TEAD4: variants seen among roughly 807,000 people sequenced by gnomAD.
TEAD4 encodes TEA domain transcription factor 4.
In TEAD4, 36 loss-of-function variants were observed where a neutral mutation model predicts 52.4. That is an observed-to-expected ratio of 0.69 (90% CI 0.53 to 0.91). The LOEUF (loss-of-function observed/expected upper bound fraction) is 0.91, where lower values mean the gene tolerates loss of function less well. Among genes scored for constraint, TEAD4 ranks in the 40% least tolerant of loss-of-function variants. TEAD4 has a pLI of 0.00. For synonymous variants in TEAD4, 220 were observed against 231.0 expected (o/e 0.95, Z 0.43); for missense variants, 508 against 583.9 (o/e 0.87, Z 1.34).
intron 2 of TEAD4, among the ~76,000 whole-genome samples, chr12:2,976,521 G>C (rs1007008001): frequency 2.0e-5 from 3 of 152,142 alleles, no homozygotes; most frequent in African/African-American, 7.2e-5. Context: ...CGCTGTTCTG[G>C]AACTAAACCT....
chr12:3,026,104 G>A (rs1230076098), intron 10 of TEAD4, among the ~76,000 whole-genome samples: 2 of 152,038 alleles, frequency 1.3e-5, no homozygotes, highest in East Asian at 1.9e-4. Context: ...AAATGTACTC[G>A]TATTATTTCT....
intron 6 of TEAD4, 87 bp from the exon 7 acceptor site, chr12:3,018,458 C>A: frequency 6.6e-7 from 1 of 1,515,010 alleles, no homozygotes; most frequent in Non-Finnish European, 9.1e-7. Flanking sequence ...CCAGTGGAGG[C>A]CCTGCCCGGT....
At chr12:2,989,125 A>T (rs2153954884) in intron 2 of TEAD4, among the ~76,000 whole-genome samples, 1 of 152,156 alleles carries the variant, frequency 6.6e-6, no homozygotes, top group African/African-American at 2.4e-5. Context: ...GGAAGTCGGG[A>T]GGCAGTCCTG....
chr12:2,972,963 C>A (rs61916420), intron 2 of TEAD4, among the ~76,000 whole-genome samples: 1 of 152,166 alleles, frequency 6.6e-6, no homozygotes, highest in African/African-American at 2.4e-5. Context: ...ATCCCCCAAA[C>A]GATTCCATCC....
chr12:2,979,911 CT>C (rs1479785160), intron 2 of TEAD4, among the ~76,000 whole-genome samples: 1 of 152,174 alleles, frequency 6.6e-6, no homozygotes, highest in African/African-American at 2.4e-5. Context: ...GGCACAAGGA[CT>C]GAAGTACCTG....
intron 2 of TEAD4, among the ~76,000 whole-genome samples, chr12:2,979,256 T>G (rs1478664202): frequency 1.3e-5 from 2 of 152,242 alleles, no homozygotes; most frequent in African/African-American, 4.8e-5. Context: ...ATTACCTGGA[T>G]GCACCACATT....
At chr12:2,965,009 AGAACCACT>A (rs1290670765) in intron 2 of TEAD4, among the ~76,000 whole-genome samples, 1 of 152,120 alleles carries the variant, frequency 6.6e-6, no homozygotes, top group Non-Finnish European at 1.5e-5. Context: ...GAGTGACCCC[AGAACCACT>A]GCCAGGACCT....
At chr12:3,028,104 T>C (rs371425395) in intron 10 of TEAD4, among the ~76,000 whole-genome samples, 16 of 152,360 alleles carry the variant, frequency 1.1e-4, no homozygotes, top group African/African-American at 3.6e-4. Context: ...CTTTTGTGAC[T>C]GGCTTCTTGA....
intron 2 of TEAD4, among the ~76,000 whole-genome samples, chr12:2,986,629 G>A (rs1455078845): frequency 6.7e-6 from 1 of 148,266 alleles, no homozygotes; most frequent in Non-Finnish European, 1.5e-5. Context: ...GACAGAGTGA[G>A]ACTCTGTCTC....
intron 2 of TEAD4, among the ~76,000 whole-genome samples, chr12:2,977,603 C>T (rs1167382180): frequency 1.3e-5 from 2 of 152,226 alleles, no homozygotes; most frequent in African/African-American, 4.8e-5. Context: ...CAGGAATGCT[C>T]ATCCCCATTT....
chr12:2,988,272 G>A (rs2098240241), intron 2 of TEAD4, among the ~76,000 whole-genome samples: 1 of 151,916 alleles, frequency 6.6e-6, no homozygotes. Flanking sequence ...CAGCACTTTG[G>A]GAGGCTGAGG....
chr12:3,030,393 C>T (rs1314347508), intron 10 of TEAD4, among the ~76,000 whole-genome samples: 1 of 152,176 alleles, frequency 6.6e-6, no homozygotes, highest in African/African-American at 2.4e-5. Flanking sequence ...CTGGACTGTC[C>T]AGTGTACAGA....
chr12:3,021,716 T>C, intron 9 of TEAD4, 128 bp from the exon 10 acceptor site: 1 of 877,596 alleles, frequency 1.1e-6, no homozygotes, highest in South Asian at 1.7e-5. Flanking sequence ...ATTTTACTCA[T>C]GGGGAAACTA....
At chr12:2,992,412 G>C (rs2098243872) in intron 2 of TEAD4, among the ~76,000 whole-genome samples, 1 of 152,038 alleles carries the variant, frequency 6.6e-6, no homozygotes, top group Non-Finnish European at 1.5e-5. Flanking sequence ...TCTCCTCCTG[G>C]GATGTGCCTC....
chr12:3,034,197 G>T (rs117453542), intron 10 of TEAD4, among the ~76,000 whole-genome samples: 1 of 152,078 alleles, frequency 6.6e-6, no homozygotes, highest in South Asian at 2.1e-4. Context: ...CCTGAGCGAT[G>T]GGAAGAGCCA....
intron 2 of TEAD4, among the ~76,000 whole-genome samples, chr12:2,968,354 G>A (rs546508632): frequency 1.1e-4 from 16 of 146,716 alleles, no homozygotes; most frequent in African/African-American, 3.1e-4. Flanking sequence ...CCAAAGTGCT[G>A]GGATTACAGG....
Position 2,994,793 on chromosome 12 carries a change from C to T in TEAD4, c.27C>T (p.Thr9=). ...TGGAGGGCACGGCCGGCACCATTACCTCCAACGAGTGGAGCTCTCCCACCT... is the reference window on the plus strand; with the variant it reads ...TGGAGGGCACGGCCGGCACCATTACTTCCAACGAGTGGAGCTCTCCCACCT... The change falls in exon 3 of 13, where the codon ACC becomes ACT. Residue 9 remains threonine, a synonymous_variant. Transcript: ENST00000359864. The surrounding 1 kb of genome is among the most constrained non-coding windows in gnomAD (Gnocchi z 4.7). 2 of 1,613,406 alleles carry T rather than the reference C, an allele frequency of 1.2e-6. No homozygotes were observed. Among genetic ancestry groups the T allele is most frequent in the South Asian group, 1.1e-5 (1 of 91,030 alleles).
chr12:3,013,333 T>C (rs978023032), intron 5 of TEAD4, among the ~76,000 whole-genome samples: 2 of 151,852 alleles, frequency 1.3e-5, no homozygotes, highest in Non-Finnish European at 2.9e-5. Context: ...CCTGATGTGT[T>C]ATCAGAGGAG....
Position 3,031,092 on chromosome 12 carries a change from G to A in TEAD4, c.898-6876G>A, listed in dbSNP as rs149021292. 4.0e-3 allele frequency among the ~76,000 whole-genome samples: 605 copies of A among 152,302 alleles called. 1 individual carries two copies. The highest frequency in any genetic ancestry group is 7.1e-3 in the Non-Finnish European group (483 of 68,022). On this transcript the variant is annotated intron_variant, in intron 10 of 12. Transcript: ENST00000359864. ...TGCTGTCCACTTTTTCTCAGGAGGG[G>A]CTTAAATCATCTCCCAGTCTCCCGT...
Sources: gnomAD v4.1 joint callset for allele counts (sites outside exome capture counted in the v4.1 genomes callset) on GRCh38, gnomAD v4.1.1 for gene constraint, Gnocchi (gnomAD v3.1) non-coding constraint, MANE v1.5 for transcripts, NCBI Gene and HGNC (gene_info 2026-07-23, HGNC 2026-07-21) for gene names.